The following ONECUT1 variants were observed in gnomAD, a reference collection of about 807,000 sequenced individuals.
ONECUT1 encodes the protein one cut homeobox 1.
In ONECUT1, 12 loss-of-function variants were observed where a neutral mutation model predicts 25.6. The ratio of observed to expected loss-of-function variants is 0.47; its 90% confidence interval spans 0.30 to 0.76. The LOEUF (loss-of-function observed/expected upper bound fraction) is 0.76. ONECUT1 is among the 30% of genes least tolerant of loss of function. ONECUT1 has a pLI of 0.07. For missense variants in ONECUT1, 620 were observed against 651.2 expected (o/e 0.95, Z 0.52); for synonymous variants, 285 against 270.2 (o/e 1.05, Z -0.54).
chr15:52,788,765 C>A lies in ONECUT1; in HGVS notation c.1105+15G>T. 6.3e-7 allele frequency: 1 copy of A among 1,599,140 alleles called. No individual in the cohort carries two copies. The highest frequency in any genetic ancestry group is 8.5e-7 in the Non-Finnish European group (1 of 1,172,062). On this transcript the variant is annotated intron_variant, in intron 1 of 1. Coordinates refer to ENST00000305901, the MANE Select transcript of ONECUT1 (RefSeq NM_004498.4). The surrounding 1 kb of genome is among the most constrained non-coding windows in gnomAD (Gnocchi z 4.3). ...TACCTTATCTCCCGCGCGCCCAGCT[C>A]CTTGGCCGGCTCACCTGCTAAGCGG...
chr15:52,756,037 C>G lies in ONECUT1; in HGVS notation c.*1518G>C, dbSNP rs140005071. 3.0e-4 allele frequency among the ~76,000 whole-genome samples: 46 copies of G among 152,276 alleles called. No individual in the cohort carries two copies. The highest frequency in any genetic ancestry group is 1.0e-3 in the African/African-American group (42 of 41,572). On this transcript the variant is annotated 3_prime_UTR_variant, in exon 2 of 2. Coordinates refer to ENST00000305901, the MANE Select transcript of ONECUT1 (RefSeq NM_004498.4). ...TAAAATTTCCAGCTAAATGCAGTAG[C>G]AAGAAAGAAGGCAGAATGCTTTGGA...
intron 1 of ONECUT1, among the ~76,000 whole-genome samples, chr15:52,767,471 G>A (rs2083741345): frequency 6.6e-6 from 1 of 152,104 alleles, no homozygotes. Flanking sequence ...TCGTCCTCTC[G>A]CTGGTCATTC....
chr15:52,788,686 G>T lies in ONECUT1; in HGVS notation c.1105+94C>A. On this transcript the variant is annotated intron_variant, in intron 1 of 1. Transcript: ENST00000305901. This position sits in a 1 kb window ranked among gnomAD's most constrained non-coding sequence, Gnocchi z 4.3. ...TAGGGGTAGGGGCGGGCGGGATGAA[G>T]CGCACCCAGCCCTCTCTCCTACCCT... The T allele has an allele frequency of 7.3e-7, 1 of 1,366,524 alleles. No individual in the cohort carries two copies. Among genetic ancestry groups the T allele is most frequent in the Non-Finnish European group, 1.0e-6 (1 of 1,004,336 alleles). 84.6% of individuals were successfully genotyped at this position (1,366,524 alleles called of 1,614,324 possible).
intron 1 of ONECUT1, among the ~76,000 whole-genome samples, chr15:52,773,248 G>C (rs1190204127): frequency 1.3e-5 from 2 of 151,868 alleles, no homozygotes; most frequent in Non-Finnish European, 2.9e-5. Context: ...GAGAGAAAGA[G>C]AGAGAGAGAG....
At position 52,757,761 on chromosome 15, in the gene ONECUT1, G is replaced by A; in HGVS notation, c.1192C>T (p.Arg398Ter). The A allele has an allele frequency of 1.2e-6, 2 of 1,614,164 alleles. No homozygotes were observed. Among genetic ancestry groups the A allele is most frequent in the Non-Finnish European group, 1.7e-6 (2 of 1,179,998 alleles). ...PRLVFTDVQR[R>*]TLHAIFKENK... ...TCCTTGAATATTGCATGTAGAGTTC[G>A]ACGCTGGACATCTGTGAAGACCAAC... Residue 398 changes from arginine (R) to a stop codon, truncating the protein, a stop_gained, in exon 2 of 2, where the codon CGA becomes TGA. Transcript: ENST00000305901. LOFTEE classifies it high-confidence loss of function.
At chr15:52,770,706 A>T (rs1158041451) in intron 1 of ONECUT1, among the ~76,000 whole-genome samples, 1 of 152,228 alleles carries the variant, frequency 6.6e-6, no homozygotes, top group Non-Finnish European at 1.5e-5. Flanking sequence ...TAACGTGGAA[A>T]AAAATGAACT....
Position 52,789,769 on chromosome 15 carries a change from G to A in ONECUT1, c.116C>T (p.Ala39Val). The stretch of plus-strand genomic sequence containing the variant: ...GGGGGGCAGGTGGCTGCCGCGGTGC[G>A]CCACGGAGCTGCGCGCGTGGGGGCT... ...GGSPHARSSV[A>V]HRGSHLPPAH... Residue 39 changes from alanine to valine, a missense_variant, in exon 1 of 2, where the codon GCG (alanine) becomes GTG (valine). Physicochemically the swap from Ala to Val is moderately conservative, Grantham distance 64 (BLOSUM62 0). Coordinates refer to ENST00000305901, the MANE Select transcript of ONECUT1 (RefSeq NM_004498.4). This position sits in a 1 kb window ranked among gnomAD's most constrained non-coding sequence, Gnocchi z 4.1. 7.1e-7 allele frequency: 1 copy of A among 1,408,066 alleles called. No homozygotes were observed. The highest frequency in any genetic ancestry group is 1.5e-5 in the African/African-American group (1 of 66,610). The allele number at this position is 1,408,066 out of a possible 1,614,324, so 87.2% of individuals were successfully genotyped here.
intron 1 of ONECUT1, among the ~76,000 whole-genome samples, chr15:52,769,109 G>T (rs1031853017): frequency 1.3e-5 from 2 of 152,114 alleles, no homozygotes; most frequent in Non-Finnish European, 2.9e-5. Context: ...CATACAAAAA[G>T]ATCCCTGTGC....
Position 52,789,810 on chromosome 15 carries a change from G to T in ONECUT1, c.75C>A (p.Ala25=), listed in dbSNP as rs1007491773. Residue 25 remains alanine, a synonymous_variant, in exon 1 of 2, where the codon GCC becomes GCA. Coordinates refer to ENST00000305901, the MANE Select transcript of ONECUT1 (RefSeq NM_004498.4). This position sits in a 1 kb window ranked among gnomAD's most constrained non-coding sequence, Gnocchi z 4.1. ...CGTGGGGGCTGCCGCCCAGCAGGTC[G>T]GCAGGGGCGGGCACCGGCTCATGGC... ...GVSHEPVPAP[A]DLLGGSPHAR... 8 of 1,514,686 alleles carry T rather than the reference G, an allele frequency of 5.3e-6. No homozygotes were observed. The highest frequency in any genetic ancestry group is 2.9e-5 in the African/African-American group (2 of 69,416). 93.8% of individuals were successfully genotyped at this position (1,514,686 alleles called of 1,614,324 possible).
chr15:52,775,807 A>G (rs901956196), intron 1 of ONECUT1, among the ~76,000 whole-genome samples: 1 of 152,260 alleles, frequency 6.6e-6, no homozygotes, highest in Non-Finnish European at 1.5e-5. Flanking sequence ...ATTAGTTTCC[A>G]TCACAGATAG....
rs1309303644 is a variant in ONECUT1, at chr15:52,777,729, C to CAAAA, written c.1105+11050_1105+11051insTTTT. ...ACACACACACACACACACACACACA[C>CAAAA]ACACACACAAAAAAACATGTAAAGT... On this transcript the variant is annotated intron_variant, in intron 1 of 1. Coordinates refer to ENST00000305901, the MANE Select transcript of ONECUT1 (RefSeq NM_004498.4). Among the ~76,000 whole-genome samples the CAAAA allele has an allele frequency of 1.4e-3, 119 of 87,374 alleles. 1 individual carries two copies. Among genetic ancestry groups the CAAAA allele is most frequent in the South Asian group, 2.9e-3 (8 of 2,712 alleles). 57.3% of individuals were successfully genotyped at this position (87,374 alleles called of 152,430 possible).
At chr15:52,779,165 C>A (rs982126803) in intron 1 of ONECUT1, among the ~76,000 whole-genome samples, 2 of 152,074 alleles carry the variant, frequency 1.3e-5, no homozygotes, top group Non-Finnish European at 2.9e-5. Context: ...CTCACTGCAA[C>A]CTCCGCCTCC....
rs1452268225 is a variant in ONECUT1, at chr15:52,756,917, T to C, written c.*638A>G. 1 of 152,238 alleles carries C rather than the reference T, an allele frequency of 6.6e-6. No individual in the cohort carries two copies. Among genetic ancestry groups the C allele is most frequent in the Non-Finnish European group, 1.5e-5 (1 of 68,046 alleles). 9.4% of individuals were successfully genotyped at this position (152,238 alleles called of 1,614,324 possible). A position where few individuals can be genotyped will look rare whatever the true frequency, so the allele number is the denominator to read the frequency against. ...GACTCATGTTTCATTTCTTAAAAAA[T>C]ATCTGAACATTCCTTAACAAACAAA... On this transcript the variant is annotated 3_prime_UTR_variant, in exon 2 of 2. Coordinates refer to ENST00000305901, the MANE Select transcript of ONECUT1 (RefSeq NM_004498.4).
intron 1 of ONECUT1, among the ~76,000 whole-genome samples, chr15:52,771,057 A>G (rs2083764491): frequency 6.6e-6 from 1 of 152,184 alleles, no homozygotes; most frequent in South Asian, 2.1e-4. Flanking sequence ...TTGATCTAGT[A>G]ATTAACACTT....
At chr15:52,773,383 A>G (rs1229669958) in intron 1 of ONECUT1, among the ~76,000 whole-genome samples, 1 of 152,186 alleles carries the variant, frequency 6.6e-6, no homozygotes, top group Non-Finnish European at 1.5e-5. Context: ...ACTGGTATGA[A>G]CTAATGATTT....
At chr15:52,786,439 C>A (rs1251961721) in intron 1 of ONECUT1, among the ~76,000 whole-genome samples, 2 of 152,200 alleles carry the variant, frequency 1.3e-5, no homozygotes, top group Admixed American at 6.5e-5. Context: ...GTGTTTGGTG[C>A]CAAATGCCTG....
chr15:52,782,663 C>T (rs1017838100), intron 1 of ONECUT1, among the ~76,000 whole-genome samples: 3 of 152,190 alleles, frequency 2.0e-5, no homozygotes, highest in Non-Finnish European at 2.9e-5. Flanking sequence ...ACAACCACAA[C>T]TTCAGTAACA....
Position 52,757,437 on chromosome 15 carries a change from C to A in ONECUT1, c.*118G>T. 1.7e-6 allele frequency: 2 copies of A among 1,182,446 alleles called. No homozygotes were observed. Among genetic ancestry groups the A allele is most frequent in the Non-Finnish European group, 1.2e-6 (1 of 845,612 alleles). The allele number at this position is 1,182,446 out of a possible 1,614,324, so 73.2% of individuals were successfully genotyped here. On this transcript the variant is annotated 3_prime_UTR_variant, in exon 2 of 2. Coordinates refer to ENST00000305901, the MANE Select transcript of ONECUT1 (RefSeq NM_004498.4). ...TTTGGTTTCTTTGGACTATAAATAA[C>A]GCTTTTTTTTCTTCAAATATTTCTA...
chr15:52,778,817 A>G (rs2083820924), intron 1 of ONECUT1, among the ~76,000 whole-genome samples: 1 of 152,216 alleles, frequency 6.6e-6, no homozygotes, highest in South Asian at 2.1e-4. Flanking sequence ...CATAGTCATC[A>G]TAGAAGGCAA....
Sources: gnomAD v4.1 joint callset for allele counts (sites outside exome capture counted in the v4.1 genomes callset) on GRCh38, gnomAD v4.1.1 for gene constraint, Gnocchi (gnomAD v3.1) non-coding constraint, MANE v1.5 for transcripts, NCBI Gene and HGNC (gene_info 2026-07-23, HGNC 2026-07-21) for gene names.